The following CDK5RAP2 variants were observed in gnomAD, a reference collection of about 807,000 sequenced individuals.
The protein encoded by CDK5RAP2 is CDK5 regulatory subunit-associated protein 2.
CDK5RAP2 carries 147 observed loss-of-function variants against 232.9 expected under a neutral mutation model. The ratio of observed to expected loss-of-function variants is 0.63; its 90% confidence interval spans 0.55 to 0.72. The LOEUF is 0.72. Among genes scored for constraint, CDK5RAP2 ranks in the 30% least tolerant of loss-of-function variants. The pLI is 0.00. For synonymous variants in CDK5RAP2, 833 were observed against 833.7 expected (o/e 1.00, Z 0.01); for missense variants, 2,195 against 2,231.5 (o/e 0.98, Z 0.33).
intron 35 of CDK5RAP2, among the ~76,000 whole-genome samples, chr9:120,397,560 AAAAAAG>A (rs1162419544): frequency 2.3e-5 from 3 of 131,240 alleles, no homozygotes; most frequent in East Asian, 2.1e-4. Flanking sequence ...AAAAAAAAAA[AAAAAAG>A]AAAAAAGAAA....
chr9:120,558,689 G>A (rs1037197176), intron 3 of CDK5RAP2, among the ~76,000 whole-genome samples: 7 of 152,046 alleles, frequency 4.6e-5, no homozygotes, highest in Non-Finnish European at 8.8e-5. Context: ...TTTCTGACGC[G>A]TCTGCCAGGG....
intron 1 of CDK5RAP2, among the ~76,000 whole-genome samples, chr9:120,573,363 AC>A (rs1226858669): frequency 2.0e-5 from 3 of 152,170 alleles, no homozygotes; most frequent in Non-Finnish European, 4.4e-5. Context: ...AGCCTGGCCA[AC>A]ATGGTAAAAC....
At chr9:120,522,728 G>A (rs1273990118) in intron 11 of CDK5RAP2, among the ~76,000 whole-genome samples, 1 of 152,204 alleles carries the variant, frequency 6.6e-6, no homozygotes, top group Non-Finnish European at 1.5e-5. Context: ...CTGTGCTTCT[G>A]AACTTTGGCA....
At chr9:120,551,110 AAATGAATAATGACAGG>A (rs1330875682) in intron 3 of CDK5RAP2, among the ~76,000 whole-genome samples, 5 of 152,272 alleles carry the variant, frequency 3.3e-5, no homozygotes, top group Non-Finnish European at 7.3e-5. Flanking sequence ...TTGAGCATTA[AAATGAATAATGACAGG>A]AATGAATAAT....
At chr9:120,554,958 A>G (rs979735636) in intron 3 of CDK5RAP2, among the ~76,000 whole-genome samples, 7 of 152,084 alleles carry the variant, frequency 4.6e-5, no homozygotes, top group African/African-American at 1.4e-4. Flanking sequence ...TTTAAAGTCA[A>G]GTGACTAAAA....
intron 25 of CDK5RAP2, among the ~76,000 whole-genome samples, chr9:120,432,698 C>T (rs951275860): frequency 6.6e-6 from 1 of 152,170 alleles, no homozygotes; most frequent in African/African-American, 2.4e-5. Context: ...GCCTGCAGAA[C>T]CCACAAAGAA....
chr9:120,508,675 C>G (rs1564314728), intron 12 of CDK5RAP2, among the ~76,000 whole-genome samples: 1 of 152,144 alleles, frequency 6.6e-6, no homozygotes, highest in Non-Finnish European at 1.5e-5. Context: ...AATGCATTCC[C>G]ACCTCCCATT....
At chr9:120,528,703 G>GC (rs1271279686) in intron 9 of CDK5RAP2, 41 bp downstream of exon 9, 1 of 1,282,980 alleles carries the variant, frequency 7.8e-7, no homozygotes, top group African/African-American at 1.4e-5. Flanking sequence ...GCAAGAATAG[G>GC]CTAAATCTTC....
rs1273180768 is a variant in CDK5RAP2, at chr9:120,467,913, C to G, written c.2053G>C (p.Gly685Arg). 1 of 1,614,126 alleles carries G rather than the reference C, an allele frequency of 6.2e-7. No individual in the cohort carries two copies. Among genetic ancestry groups the G allele is most frequent in the Admixed American group, 1.7e-5 (1 of 60,028 alleles). Residue 685 changes from glycine to arginine, a missense_variant, in exon 18 of 38, where the codon GGT becomes CGT. By Grantham distance (125) the Gly-to-Arg change is moderately radical. Coordinates refer to ENST00000349780, the MANE Select transcript of CDK5RAP2 (RefSeq NM_018249.6). ...TCTGGAAACCCATTTCCCTGGAAACCCATGCAGGAGAGATCAAAAATGGTT... is the reference window on the plus strand; with the variant it reads ...TCTGGAAACCCATTTCCCTGGAAACGCATGCAGGAGAGATCAAAAATGGTT... ...KKTIFDLSCM[G>R]FQGNGFPDRL...
At chr9:120,571,018 G>C (rs2042835600) in intron 2 of CDK5RAP2, among the ~76,000 whole-genome samples, 1 of 152,128 alleles carries the variant, frequency 6.6e-6, no homozygotes, top group Admixed American at 6.5e-5. Context: ...AATTAGCCAG[G>C]TGTCGTGGCA....
chr9:120,575,572 T>A (rs936424486), intron 1 of CDK5RAP2, among the ~76,000 whole-genome samples: 3 of 152,114 alleles, frequency 2.0e-5, no homozygotes, highest in Admixed American at 6.5e-5. Context: ...AGACCAGATA[T>A]CACATTCTGA....
chr9:120,461,325 A>C (rs1450574604), intron 18 of CDK5RAP2, among the ~76,000 whole-genome samples: 2 of 152,228 alleles, frequency 1.3e-5, no homozygotes, highest in African/African-American at 2.4e-5. Context: ...ATAAATCCCT[A>C]ATGCTTCAAA....
At chr9:120,449,775 C>A (rs2036387426) in intron 21 of CDK5RAP2, among the ~76,000 whole-genome samples, 1 of 152,208 alleles carries the variant, frequency 6.6e-6, no homozygotes, top group Non-Finnish European at 1.5e-5. Context: ...AGATGCTCAA[C>A]ATCATTAGTC....
chr9:120,406,912 G>T, intron 32 of CDK5RAP2, 100 bp downstream of exon 32: 1 of 904,744 alleles, frequency 1.1e-6, no homozygotes, highest in Non-Finnish European at 1.8e-6. Context: ...TCAATGGAAA[G>T]ACACCTCTGT....
chr9:120,460,397 C>T (rs1174675849), intron 19 of CDK5RAP2, among the ~76,000 whole-genome samples, 175 bp downstream of exon 19: 1 of 152,184 alleles, frequency 6.6e-6, no homozygotes, highest in Admixed American at 6.5e-5. Context: ...CTCTGTCACC[C>T]AGTTTATAAC....
chr9:120,432,787 GGCAGCTGGT>G (rs1261768514), intron 25 of CDK5RAP2, among the ~76,000 whole-genome samples: 6 of 152,170 alleles, frequency 3.9e-5, no homozygotes, highest in Non-Finnish European at 7.4e-5. Flanking sequence ...AAGGAAGGAG[GGCAGCTGGT>G]GCCAGAGGCA....
chr9:120,489,175 T>G (rs1382525708), intron 13 of CDK5RAP2, among the ~76,000 whole-genome samples: 1 of 152,254 alleles, frequency 6.6e-6, no homozygotes, highest in Non-Finnish European at 1.5e-5. Flanking sequence ...CTCTTCCATC[T>G]TCTGGTTTCC....
chr9:120,474,519 T>C (rs2131548648), intron 15 of CDK5RAP2, among the ~76,000 whole-genome samples: 1 of 152,300 alleles, frequency 6.6e-6, no homozygotes, highest in African/African-American at 2.4e-5. Context: ...CTCATACTGC[T>C]GAGGCTGAGA....
rs528028566 is a variant in CDK5RAP2, at chr9:120,493,073, C to T, written c.1312-1596G>A. 1.6e-4 allele frequency among the ~76,000 whole-genome samples: 25 copies of T among 152,282 alleles called. 1 individual carries two copies. The South Asian group carries it at 5.2e-3, about 32-fold the overall frequency. On this transcript the variant is annotated intron_variant, in intron 12 of 37. Coordinates refer to ENST00000349780, the MANE Select transcript of CDK5RAP2 (RefSeq NM_018249.6). Reference sequence around the variant, plus strand: ...CCCTAGAACAGCATAATCAGTATCACCTGCATATATGCAAATATATCACTG... The same window carrying T: ...CCCTAGAACAGCATAATCAGTATCATCTGCATATATGCAAATATATCACTG...
Sources: gnomAD v4.1 joint callset for allele counts (sites outside exome capture counted in the v4.1 genomes callset) on GRCh38, gnomAD v4.1.1 for gene constraint, MANE v1.5 for transcripts, NCBI Gene and HGNC (gene_info 2026-07-23, HGNC 2026-07-21) for gene names.